ATN1: variants seen among roughly 807,000 people sequenced by gnomAD.
ATN1 encodes the protein atrophin-1.
ATN1 carries 19 observed loss-of-function variants against 85.8 expected under a neutral mutation model. The observed-to-expected ratio is 0.22, with a 90% CI of 0.15 to 0.32. The LOEUF (loss-of-function observed/expected upper bound fraction) is 0.32. Ranked by LOEUF, ATN1 falls within the 10% of genes least tolerant of loss-of-function variation. The probability of loss-of-function intolerance (pLI) is 1.00; values close to 1 mark genes in which losing one functional copy is unlikely to be tolerated. For missense variants in ATN1, 1,453 were observed against 1,564.5 expected, an observed-to-expected ratio of 0.93 and a Z score of 1.20; for synonymous variants, 674 against 657.0, an observed-to-expected ratio of 1.03 and a Z score of -0.39.
At chr12:6,929,443 C>T (rs1205372138) in intron 1 of ATN1, among the ~76,000 whole-genome samples, 2 of 152,060 alleles carry the variant, frequency 1.3e-5, no homozygotes, top group Non-Finnish European at 2.9e-5. Context: ...GCTTTGGCAA[C>T]TGGGGTAGGG....
rs1945568839 is a variant in ATN1 at position 6,937,681 on chromosome 12, C to T, written c.2294+120C>T. 10 of 1,430,956 alleles carry T rather than the reference C, an allele frequency of 7.0e-6. No individual in the cohort carries two copies. The Middle Eastern group carries it at 5.8e-4, about 83-fold the overall frequency. The allele number at this position is 1,430,956 out of a possible 1,614,324, so 88.6% of individuals were successfully genotyped here. ...TGTAGTGTTTTAGAAAAGCACGCCC[C>T]TCTCCTCCGTCCAGGCCTAGTGGCC... On this transcript the variant is annotated intron_variant, in intron 5 of 9. Transcript: ENST00000396684. The surrounding 1 kb of genome is among the most constrained non-coding windows in gnomAD (Gnocchi z 6.0).
At position 6,941,574 on chromosome 12, in the gene ATN1, C is replaced by T. The variant is rs1945635447; in HGVS notation, c.3539+20C>T. 6 of 1,612,274 alleles carry T rather than the reference C, an allele frequency of 3.7e-6. No homozygotes were observed. The highest frequency in any genetic ancestry group is 5.1e-6 in the Non-Finnish European group (6 of 1,179,384). ...CTACAGGTACCCTAGGGTGCCCCAGCCCAGGGGACATGGGCTCAGCGAGCC... is the reference window on the plus strand; with the variant it reads ...CTACAGGTACCCTAGGGTGCCCCAGTCCAGGGGACATGGGCTCAGCGAGCC... On this transcript the variant is annotated intron_variant, in intron 9 of 9. Coordinates refer to ENST00000396684, the MANE Select transcript of ATN1 (RefSeq NM_001940.4). The surrounding 1 kb of genome is among the most constrained non-coding windows in gnomAD (Gnocchi z 5.9).
chr12:6,929,800 G>A (rs1945438726), intron 1 of ATN1, among the ~76,000 whole-genome samples: 1 of 152,250 alleles, frequency 6.6e-6, no homozygotes, highest in Non-Finnish European at 1.5e-5. Context: ...TCTTTTGGCA[G>A]TTGGTTCTGA....
In ATN1 at chr12:6,934,172, G is replaced by A. The variant is rs1165617120; in HGVS notation, c.28-4G>A. 2 of 1,613,040 alleles carry A rather than the reference G, an allele frequency of 1.2e-6. No individual in the cohort carries two copies. Among genetic ancestry groups the A allele is most frequent in the Non-Finnish European group, 1.7e-6 (2 of 1,179,724 alleles). ...TGTTACCTACCTCCTTCCTCCTCCT[G>A]TAGATGTCAATGAGGAGTGGACGGA... is the stretch of plus-strand genomic sequence containing the variant. On this transcript the variant is annotated splice_region_variant and splice_polypyrimidine_tract_variant and intron_variant, in intron 2 of 9. Coordinates refer to ENST00000396684, the MANE Select transcript of ATN1 (RefSeq NM_001940.4). The surrounding 1 kb of genome is among the most constrained non-coding windows in gnomAD (Gnocchi z 4.5).
In ATN1 at chr12:6,942,060, C is replaced by A; in HGVS notation, c.*280C>A. On this transcript the variant is annotated 3_prime_UTR_variant, in exon 10 of 10. Transcript: ENST00000396684. The stretch of plus-strand genomic sequence containing the variant: ...TGTCCCCCCTGCTTTTCTCCTCCCC[C>A]ATGCCCAACCCCTGTGGCCGCCGCC... The A allele has an allele frequency of 1.9e-6, 1 of 525,558 alleles. No homozygotes were observed. The highest frequency in any genetic ancestry group is 2.3e-5 in the South Asian group (1 of 43,218). 32.6% of individuals were successfully genotyped at this position (525,558 alleles called of 1,614,324 possible).
intron 7 of ATN1, among the ~76,000 whole-genome samples, chr12:6,940,209 C>T (rs910997893): frequency 6.6e-6 from 1 of 152,056 alleles, no homozygotes; most frequent in Non-Finnish European, 1.5e-5. Context: ...CCAGGATAGT[C>T]TTGATCTCTT....
intron 1 of ATN1, among the ~76,000 whole-genome samples, chr12:6,929,455 G>T (rs1357748590): frequency 6.6e-6 from 1 of 152,172 alleles, no homozygotes; most frequent in Admixed American, 6.5e-5. Context: ...GGGGTAGGGG[G>T]TAGCTGCCAG....
intron 7 of ATN1, 102 bp downstream of exon 7, chr12:6,939,279 G>A (rs1341521426): frequency 7.0e-6 from 10 of 1,426,304 alleles, no homozygotes; most frequent in Non-Finnish European, 9.2e-6. Flanking sequence ...CCCCTGGCCT[G>A]GCATGAACCT....
At position 6,941,748 on chromosome 12, in the gene ATN1, C is replaced by T; in HGVS notation, c.3541C>T (p.His1181Tyr). The T allele has an allele frequency of 6.2e-7, 1 of 1,613,904 alleles. No individual in the cohort carries two copies. The highest frequency in any genetic ancestry group is 1.3e-5 in the African/African-American group (1 of 75,024). Residue 1181 changes from histidine (H) to tyrosine (Y), a missense_variant and splice_region_variant, in exon 10 of 10, where the codon CAC becomes TAC. His to Tyr is a moderately conservative substitution (Grantham distance 83). Around this residue, in one of 6 missense-constraint regions of ATN1, gnomAD observed 118 missense variants for 163.7 expected, o/e 0.72. Coordinates refer to ENST00000396684, the MANE Select transcript of ATN1 (RefSeq NM_001940.4). This position sits in a 1 kb window ranked among gnomAD's most constrained non-coding sequence, Gnocchi z 5.9. ...TGCTATGCACTGCCCCTTCCCTAGT[C>T]ACCTGAAGAAGGAAAGCGACAAGCC... Reference protein sequence around the residue: ...PLPAQEDYYSHLKKESDKPL With the variant: ...PLPAQEDYYSYLKKESDKPL
chr12:6,929,942 A>G (rs781987349), intron 1 of ATN1, among the ~76,000 whole-genome samples: 2 of 152,252 alleles, frequency 1.3e-5, no homozygotes, highest in African/African-American at 4.8e-5. Context: ...CTTTCCCTCA[A>G]CTAACCTTTG....
chr12:6,941,584 A>G lies in ATN1; in HGVS notation c.3539+30A>G, dbSNP rs1555144656. On this transcript the variant is annotated intron_variant, in intron 9 of 9. Transcript: ENST00000396684. The surrounding 1 kb of genome is among the most constrained non-coding windows in gnomAD (Gnocchi z 5.9). ...CCTAGGGTGCCCCAGCCCAGGGGAC[A>G]TGGGCTCAGCGAGCCTGGGAGGAGC... 1.9e-6 allele frequency: 3 copies of G among 1,610,668 alleles called. No individual in the cohort carries two copies. Among genetic ancestry groups the G allele is most frequent in the Non-Finnish European group, 8.5e-7 (1 of 1,177,992 alleles).
rs372155115 is a variant in ATN1, at chr12:6,934,321, G to C, written c.165+8G>C. 3.2e-6 allele frequency: 5 copies of C among 1,568,696 alleles called. No individual in the cohort carries two copies. Among genetic ancestry groups the C allele is most frequent in the Non-Finnish European group, 4.3e-6 (5 of 1,162,422 alleles). On this transcript the variant is annotated splice_region_variant and intron_variant, in intron 3 of 9. Transcript: ENST00000396684. This position sits in a 1 kb window ranked among gnomAD's most constrained non-coding sequence, Gnocchi z 4.5. ...TCCAGGCAGACAGCCAAGGTATTCT[G>C]TCCTCAGGTCCTCCCACAGGATGCC... is the stretch of plus-strand genomic sequence containing the variant.
chr12:6,937,982 C>CGCGCGAAGAAAAGGAGCGCGA lies in ATN1; in HGVS notation c.2439_2459dup (p.Glu814_Glu820dup). 6.4e-7 allele frequency: 1 copy of CGCGCGAAGAAAAGGAGCGCGA among 1,550,412 alleles called. No individual in the cohort carries two copies. The highest frequency in any genetic ancestry group is 1.2e-5 in the South Asian group (1 of 84,254). On this transcript the variant is annotated inframe_insertion, in exon 6 of 10. Transcript: ENST00000396684. This position sits in a 1 kb window ranked among gnomAD's most constrained non-coding sequence, Gnocchi z 6.0. ...GTGCGGCGCGAGGCCGAGCAGCGCG[C>CGCGCGAAGAAAAGGAGCGCGA]GCGCGAAGAAAAGGAGCGCGAGCGC...
intron 1 of ATN1, among the ~76,000 whole-genome samples, chr12:6,931,468 C>A (rs1318993793): frequency 1.4e-5 from 2 of 143,542 alleles, no homozygotes; most frequent in Admixed American, 1.4e-4. Context: ...AATCCCAACA[C>A]TTTAGGAGGC....
chr12:6,927,603 C>G (rs1489690233), upstream of ATN1, among the ~76,000 whole-genome samples: 1 of 150,946 alleles, frequency 6.6e-6, no homozygotes. Context: ...CCGGCCCCCT[C>G]GGCCTCGGCC....
chr12:6,936,291 C>T lies in ATN1; in HGVS notation c.1024C>T (p.Leu342Phe), dbSNP rs374756105. 3 of 1,613,868 alleles carry T rather than the reference C, an allele frequency of 1.9e-6. No individual in the cohort carries two copies. The highest frequency in any genetic ancestry group is 2.2e-5 in the South Asian group (2 of 91,068). ...PHAMGQGMGG[L>F]PPGPEKGPTL... ...CGCCATGGGACAGGGTATGGGTGGACTTCCTCCTGGCCCAGAGAAGGGCCC... is the reference window on the plus strand; with the variant it reads ...CGCCATGGGACAGGGTATGGGTGGATTTCCTCCTGGCCCAGAGAAGGGCCC... Residue 342 changes from leucine to phenylalanine, a missense_variant, in exon 5 of 10, where the codon CTT becomes TTT. Coordinates refer to ENST00000396684, the MANE Select transcript of ATN1 (RefSeq NM_001940.4).
chr12:6,937,091 C>CGAAGGTA lies in ATN1; in HGVS notation c.1824_1825insGAAGGTA (p.Thr609GlufsTer126), dbSNP rs1555143886. Reference sequence around the variant, plus strand: ...CTTTCCCACCGGTGCCTACGGTCACCACCTCTTCGGCTACCCTTTCCACGG... The same window carrying CGAAGGTA: ...CTTTCCCACCGGTGCCTACGGTCACCGAAGGTAACCTCTTCGGCTACCCTTTCCACGG... On this transcript the variant is annotated frameshift_variant, in exon 5 of 10. Coordinates refer to ENST00000396684, the MANE Select transcript of ATN1 (RefSeq NM_001940.4). LOFTEE classifies it high-confidence loss of function. This position sits in a 1 kb window ranked among gnomAD's most constrained non-coding sequence, Gnocchi z 6.0. 6.2e-7 allele frequency: 1 copy of CGAAGGTA among 1,612,682 alleles called. No homozygotes were observed. Among genetic ancestry groups the CGAAGGTA allele is most frequent in the African/African-American group, 1.3e-5 (1 of 74,914 alleles).
chr12:6,928,210 A>G lies in ATN1; in HGVS notation c.-337A>G, dbSNP rs1163801687. Reference sequence around the variant, plus strand: ...GGGCGATTGGGGCCAGGCGGGGAAAAGGGGGGATGGGGGCCGCCCTCCGGG... The same window carrying G: ...GGGCGATTGGGGCCAGGCGGGGAAAGGGGGGGATGGGGGCCGCCCTCCGGG... On this transcript the variant is annotated 5_prime_UTR_variant, in exon 1 of 10. Transcript: ENST00000396684. 1 of 18,262 alleles carries G rather than the reference A, an allele frequency of 5.5e-5. No individual in the cohort carries two copies. The highest frequency in any genetic ancestry group is 2.4e-4 in the African/African-American group (1 of 4,194). 1.1% of individuals were successfully genotyped at this position (18,262 alleles called of 1,614,324 possible).
chr12:6,931,962 G>A (rs1261984346), intron 1 of ATN1, among the ~76,000 whole-genome samples: 1 of 149,044 alleles, frequency 6.7e-6, no homozygotes, highest in Non-Finnish European at 1.5e-5. Flanking sequence ...TTGAACCTGG[G>A]AGGCAGAGGT....
Sources: allele counts gnomAD v4.1 joint callset (sites outside exome capture counted in the v4.1 genomes callset), GRCh38; gene constraint gnomAD v4.1.1; regional missense constraint gnomAD v4.1.1; non-coding constraint Gnocchi (gnomAD v3.1); transcripts MANE v1.5; gene names NCBI Gene and HGNC (gene_info 2026-07-23, HGNC 2026-07-21).